The following SPON2 variants were observed in gnomAD, a reference collection of about 807,000 sequenced individuals.
SPON2 encodes the protein spondin-2.
In SPON2, 32 loss-of-function variants were observed where a neutral mutation model predicts 29.9. The ratio of observed to expected loss-of-function variants is 1.07; its 90% CI spans 0.81 to 1.44. The LOEUF (loss-of-function observed/expected upper bound fraction) is 1.44. Ranked by LOEUF, SPON2 falls within the 40% of genes most tolerant of loss-of-function variation. The pLI, the probability that SPON2 is intolerant of heterozygous loss-of-function variation, is 0.00. For synonymous variants in SPON2, 248 were observed against 209.1 expected (o/e 1.19, Z -1.61); for missense variants, 541 against 455.5 (o/e 1.19, Z -1.71).
In SPON2 at chr4:1,171,465, T is replaced by C. The variant is rs761586851; in HGVS notation, c.242A>G (p.Tyr81Cys). ...SLLGAAHSSD[Y>C]SMWRKNQYVS... ...GTACTGGTTCTTCCTCCACATGCTG[T>C]AGTCGGAGCTATGCGCGGCCCCTGC... Residue 81 changes from tyrosine (Y) to cysteine (C), a missense_variant, in exon 3 of 6, where the codon TAC (tyrosine) becomes TGC (cysteine). Coordinates refer to ENST00000290902, the MANE Select transcript of SPON2 (RefSeq NM_012445.4). 37 of 1,611,836 alleles carry C rather than the reference T, an allele frequency of 2.3e-5. No homozygotes were observed. Among genetic ancestry groups the C allele is most frequent in the Non-Finnish European group, 3.1e-5 (36 of 1,179,542 alleles).
At chr4:1,185,747 CTG>C (rs922270530) in intron 1 of SPON2, among the ~76,000 whole-genome samples, 1 of 145,126 alleles carries the variant, frequency 6.9e-6, no homozygotes, top group African/African-American at 2.5e-5. Flanking sequence ...TTGCCTGACA[CTG>C]TATGCAAAAA....
In SPON2 at chr4:1,167,105, A is replaced by C; in HGVS notation, c.*367T>G. Reference sequence around the variant, plus strand: ...GAGCACCAGGTCTGAGGTATCTGCAACCACGTGGGAGCCAGGCCCCTGGAC... The same window carrying C: ...GAGCACCAGGTCTGAGGTATCTGCACCCACGTGGGAGCCAGGCCCCTGGAC... On this transcript the variant is annotated 3_prime_UTR_variant, in exon 6 of 6. Coordinates refer to ENST00000290902, the MANE Select transcript of SPON2 (RefSeq NM_012445.4). The C allele has an allele frequency of 5.1e-6, 1 of 195,538 alleles. No individual in the cohort carries two copies. Among genetic ancestry groups the C allele is most frequent in the Non-Finnish European group, 1.0e-5 (1 of 96,190 alleles). The allele number at this position is 195,538 out of a possible 1,614,324, so 12.1% of individuals were successfully genotyped here. A position where few individuals can be genotyped will look rare whatever the true frequency, so the allele number is the denominator to read the frequency against.
upstream of SPON2, among the ~76,000 whole-genome samples, chr4:1,174,453 G>C (rs1354224865): frequency 2.9e-5 from 4 of 135,668 alleles, no homozygotes; most frequent in East Asian, 4.2e-4. Context: ...CGCCACTGCA[G>C]TCCAGCCTGG....
At chr4:1,199,978 C>A (rs554392944), upstream of SPON2, 5 of 152,286 alleles carry the variant, frequency 3.3e-5, no homozygotes, top group Non-Finnish European at 7.3e-5. This position sits in a 1 kb window ranked among gnomAD's most constrained non-coding sequence, Gnocchi z 4.5. Context: ...GCCTCTCCCC[C>A]CAGCCTGAAG....
At chr4:1,197,510 A>G (rs1728095875), upstream of SPON2, among the ~76,000 whole-genome samples, 1 of 152,162 alleles carries the variant, frequency 6.6e-6, no homozygotes, top group Non-Finnish European at 1.5e-5. Context: ...GACTCAGCTA[A>G]TGCAGCGCCC....
At chr4:1,200,883 C>T (rs1233134618) in intron 1 of SPON2, 5 of 456,694 alleles carry the variant, frequency 1.1e-5, no homozygotes, top group African/African-American at 2.0e-5. Flanking sequence ...CTGACCCTGA[C>T]CACTGACTGA....
chr4:1,168,247 C>G (rs1727311711), intron 5 of SPON2: 1 of 152,218 alleles, frequency 6.6e-6, no homozygotes, highest in Non-Finnish European at 1.5e-5. Context: ...TCTTTTGCAC[C>G]CCACAGGCCA....
upstream of SPON2, among the ~76,000 whole-genome samples, chr4:1,176,922 G>C (rs1310211693): frequency 7.4e-6 from 1 of 135,238 alleles, no homozygotes; most frequent in African/African-American, 3.1e-5. Context: ...CACAAGGTGA[G>C]TATTCCTTGC....
At chr4:1,184,767 A>T (rs942442375) in intron 1 of SPON2, among the ~76,000 whole-genome samples, 1 of 151,978 alleles carries the variant, frequency 6.6e-6, no homozygotes, top group African/African-American at 2.4e-5. Flanking sequence ...ACCCGTCTCT[A>T]CTAAACAAAA....
chr4:1,171,270 T>C lies in SPON2; in HGVS notation c.437A>G (p.His146Arg). 6.6e-7 allele frequency: 1 copy of C among 1,523,476 alleles called. No individual in the cohort carries two copies. The highest frequency in any genetic ancestry group is 1.2e-5 in the South Asian group (1 of 81,528). 94.4% of individuals were successfully genotyped at this position (1,523,476 alleles called of 1,614,324 possible). A position where few individuals can be genotyped will look rare whatever the true frequency, so the allele number is the denominator to read the frequency against. The change falls in exon 3 of 6, where the codon CAC becomes CGC. Residue 146 changes from histidine (H) to arginine (R), a missense_variant. By Grantham distance (29) the His-to-Arg change is conservative. Coordinates refer to ENST00000290902, the MANE Select transcript of SPON2 (RefSeq NM_012445.4). The part of the protein sequence containing the change: ...TSAELEVQRR[H>R]SLVSFVVRIV... ...GGCCGGCCCCGCGCTCACCAGCGAG[T>C]GCCTGCGCTGCACCTCCAGCTCCGC...
At chr4:1,192,489 T>C (rs911620494) in intron 1 of SPON2, among the ~76,000 whole-genome samples, 3 of 152,214 alleles carry the variant, frequency 2.0e-5, no homozygotes, top group Non-Finnish European at 4.4e-5. Context: ...TCAGTTGCCA[T>C]TTTCGGATTG....
chr4:1,200,252 A>G (rs1269930846), intron 1 of SPON2, among the ~76,000 whole-genome samples: 1 of 151,926 alleles, frequency 6.6e-6, no homozygotes, highest in Non-Finnish European at 1.5e-5. Flanking sequence ...TTCCTGGGTC[A>G]CCCCTCACTC....
upstream of SPON2, chr4:1,172,640 A>C (rs1262786658): frequency 6.4e-6 from 1 of 155,804 alleles, no homozygotes; most frequent in East Asian, 1.9e-4. Context: ...CGGGCCGGCC[A>C]ATGAGGCTCC....
chr4:1,186,398 G>T (rs183685745), intron 1 of SPON2, among the ~76,000 whole-genome samples: 1 of 152,052 alleles, frequency 6.6e-6, no homozygotes, highest in East Asian at 1.9e-4. Context: ...CTGCCTCTCG[G>T]GTTCCAGCAA....
At chr4:1,196,512 C>T (rs1427615810), upstream of SPON2, among the ~76,000 whole-genome samples, 2 of 152,182 alleles carry the variant, frequency 1.3e-5, no homozygotes, top group Admixed American at 6.5e-5. Flanking sequence ...CTGCGGTGAC[C>T]AGGGTTACTC....
At chr4:1,171,632 G>T in intron 2 of SPON2, 146 bp from the exon 3 acceptor site, 2 of 924,178 alleles carry the variant, frequency 2.2e-6, no homozygotes, top group Non-Finnish European at 3.2e-6. Context: ...CCCTGTGGCT[G>T]CCCCTGCCGC....
rs1346623530 is a variant in SPON2, at chr4:1,194,821, C to T, written c.-239+169G>A. On this transcript the variant is annotated intron_variant, in intron 1 of 3. Transcript: ENST00000502483. ...GGGGGCTGCCTGGCAGAGGCCTCAC[C>T]TCACAGCCGGCGGTTCCAACCCCGC... is the stretch of plus-strand genomic sequence containing the variant. 1.3e-4 allele frequency among the ~76,000 whole-genome samples: 20 copies of T among 152,076 alleles called. 1 individual carries two copies.
At chr4:1,204,338 T>G (rs1046764664) in intron 1 of SPON2, among the ~76,000 whole-genome samples, 1 of 152,204 alleles carries the variant, frequency 6.6e-6, no homozygotes, top group Non-Finnish European at 1.5e-5. Context: ...TGTGACCCCA[T>G]GACCTCAGCC....
At chr4:1,179,445 T>G (rs1447206618) in intron 2 of SPON2, 1 of 152,192 alleles carries the variant, frequency 6.6e-6, no homozygotes, top group Non-Finnish European at 1.5e-5. Context: ...CTTGCCATAG[T>G]ACCTTTTTCT....
Sources: gnomAD v4.1 joint callset for allele counts (sites outside exome capture counted in the v4.1 genomes callset) on GRCh38, gnomAD v4.1.1 for gene constraint, Gnocchi (gnomAD v3.1) non-coding constraint, MANE v1.5 for transcripts, NCBI Gene and HGNC (gene_info 2026-07-23, HGNC 2026-07-21) for gene names.